The following TMIGD2 variants were observed in gnomAD, a reference collection of about 807,000 sequenced individuals.
The protein encoded by TMIGD2 is transmembrane and immunoglobulin domain-containing protein 2.
In TMIGD2, 18 loss-of-function variants were observed where a neutral mutation model predicts 22.6. The observed-to-expected ratio is 0.80, with a 90% confidence interval of 0.55 to 1.18. The LOEUF is 1.18. TMIGD2 is among the 50% of genes most tolerant of loss of function. TMIGD2 has a pLI of 0.00. For synonymous variants in TMIGD2, 184 were observed against 154.1 expected, an observed-to-expected ratio of 1.19 and a Z score of -1.44; for missense variants, 361 against 378.2, an observed-to-expected ratio of 0.95 and a Z score of 0.38.
chr19:4,294,073 T>A (rs1167881155), intron 4 of TMIGD2, among the ~76,000 whole-genome samples: 5 of 143,246 alleles, frequency 3.5e-5, no homozygotes, highest in Non-Finnish European at 3.1e-5. Flanking sequence ...AATTTTTAAA[T>A]TTTTTTTTTT....
chr19:4,299,861 G>A (rs1048484560), intron 1 of TMIGD2, among the ~76,000 whole-genome samples: 3 of 150,238 alleles, frequency 2.0e-5, no homozygotes, highest in African/African-American at 7.4e-5. Flanking sequence ...ACTCTAGCTT[G>A]GGCAACAGAG....
rs201445554 is a variant in TMIGD2, at chr19:4,298,071, G to A, written c.321C>T (p.Ser107=). 3.5e-5 allele frequency: 57 copies of A among 1,613,670 alleles called. No individual in the cohort carries two copies. The East Asian group carries it at 9.6e-4, about 27-fold the overall frequency. ...CGGCCGCCCAGCACACGTACGCCCCGCTGTGGTTGAGGCTCACAGGGTCCA... is the reference window on the plus strand; with the variant it reads ...CGGCCGCCCAGCACACGTACGCCCCACTGTGGTTGAGGCTCACAGGGTCCA... Residue 107 remains serine, a synonymous_variant, in exon 2 of 5, where the codon AGC becomes AGT. Coordinates refer to ENST00000301272, the Ensembl canonical transcript of TMIGD2.
At position 4,292,871 on chromosome 19, in the gene TMIGD2, T is replaced by C. The variant is rs758143245; in HGVS notation, c.577A>G (p.Ser193Gly). ...CCCCGGGGCCGGTATAGGACGTTGC[T>C]GTAGAATGCATTTCCTAGGATGGAT... Residue 193 changes from serine (S) to glycine (G), a missense_variant, in exon 5 of 5, where the codon AGC becomes GGC. Physicochemically the swap from Ser to Gly is moderately conservative, Grantham distance 56. Coordinates refer to ENST00000301272, the Ensembl canonical transcript of TMIGD2. 66 of 1,613,676 alleles carry C rather than the reference T, an allele frequency of 4.1e-5. 2 individuals are homozygous for C. In the South Asian group the frequency reaches 7.0e-4, roughly 17 times the overall value.
chr19:4,298,597 G>A lies in TMIGD2; in HGVS notation c.47-252C>T, dbSNP rs527331691. ...CAATAAATATTTAAAAAGTAGCTGG[G>A]TATGGTGGCGTGCACCGTGGGCCCA... On this transcript the variant is annotated intron_variant, in intron 1 of 4. Transcript: ENST00000301272. 3.1e-3 allele frequency among the ~76,000 whole-genome samples: 471 copies of A among 152,220 alleles called. 2 individuals carry two copies. Among genetic ancestry groups the A allele is most frequent in the African/African-American group, 0.011 (449 of 41,524 alleles).
intron 2 of TMIGD2, 43 bp downstream of exon 2, chr19:4,297,943 G>C: frequency 6.6e-7 from 1 of 1,507,354 alleles, no homozygotes; most frequent in Non-Finnish European, 8.9e-7. Flanking sequence ...AAGATTCTAG[G>C]ATCCTCCCCA....
intron 2 of TMIGD2, 130 bp from the exon 3 acceptor site, chr19:4,294,946 A>G: frequency 1.1e-6 from 1 of 909,698 alleles, no homozygotes; most frequent in Non-Finnish European, 1.6e-6. Flanking sequence ...GTTCACTCTG[A>G]ACCTCTGTTT....
chr19:4,296,420 G>A (rs145735568), intron 2 of TMIGD2, among the ~76,000 whole-genome samples: 8 of 152,302 alleles, frequency 5.3e-5, no homozygotes, highest in African/African-American at 1.2e-4. Context: ...TGTGAATGCC[G>A]CAATTAAGAT....
chr19:4,300,346 CAGG>C (rs1224325618), intron 1 of TMIGD2, among the ~76,000 whole-genome samples: 1 of 151,790 alleles, frequency 6.6e-6, no homozygotes, highest in African/African-American at 2.4e-5. Flanking sequence ...ATCACGAGGT[CAGG>C]AGATCAAGAC....
chr19:4,294,722 G>C (rs1971437557), intron 3 of TMIGD2, 42 bp from the exon 4 acceptor site: 9 of 1,571,560 alleles, frequency 5.7e-6, no homozygotes, highest in Non-Finnish European at 6.9e-6. Flanking sequence ...GGAGGGGAAG[G>C]GGTGGTGATG....
rs920368374 is a variant in TMIGD2, at chr19:4,295,220, C to T, written c.407-404G>A. On this transcript the variant is annotated intron_variant, in intron 2 of 4. Transcript: ENST00000301272. ...AGGTTGCAGTGAGCCGAGATCGTGT[C>T]ACTACGCTCCAGCCTGGGTGACAGA... is the stretch of plus-strand genomic sequence containing the variant. 4.2e-5 allele frequency among the ~76,000 whole-genome samples: 6 copies of T among 142,946 alleles called. No individual in the cohort carries two copies. The Admixed American group carries it at 4.4e-4, about 10-fold the overall frequency. 93.8% of individuals were successfully genotyped at this position (142,946 alleles called of 152,430 possible).
chr19:4,298,398 T>C (rs1971492858), intron 1 of TMIGD2, 53 bp from the exon 2 acceptor site: 1 of 1,501,676 alleles, frequency 6.7e-7, no homozygotes, highest in African/African-American at 1.4e-5. Flanking sequence ...CATGTGAGGC[T>C]GTGTGACTCA....
intron 2 of TMIGD2, among the ~76,000 whole-genome samples, chr19:4,295,059 G>T (rs1047606907): frequency 8.6e-5 from 13 of 151,814 alleles, no homozygotes; most frequent in African/African-American, 3.1e-4. Flanking sequence ...TCAGGAGTTC[G>T]AGACCAGCCT....
intron 2 of TMIGD2, among the ~76,000 whole-genome samples, chr19:4,295,432 C>T (rs1421653831): frequency 1.3e-5 from 2 of 151,226 alleles, no homozygotes; most frequent in East Asian, 2.0e-4. Flanking sequence ...TGGTGGTGGG[C>T]ACCTGTAGTC....
In TMIGD2 at chr19:4,297,978, TC is replaced by T; in HGVS notation, c.406+7del. ...ACTGCCCCTCCCTCTCCCCGCTGGC[TC>T]CCGTACCTGGGTCCACAAAGAGCCT... is the stretch of plus-strand genomic sequence containing the variant. On this transcript the variant is annotated splice_region_variant and intron_variant, in intron 2 of 4. Transcript: ENST00000301272. 1 of 1,560,402 alleles carries T rather than the reference TC, an allele frequency of 6.4e-7. No individual in the cohort carries two copies. The highest frequency in any genetic ancestry group is 8.7e-7 in the Non-Finnish European group (1 of 1,149,286).
chr19:4,301,834 C>G (rs1238088163), intron 1 of TMIGD2, among the ~76,000 whole-genome samples: 2 of 152,094 alleles, frequency 1.3e-5, no homozygotes, highest in Non-Finnish European at 2.9e-5. Flanking sequence ...GGAGCTGCTG[C>G]CGGAGTAGAA....
At chr19:4,293,561 A>T (rs945847100) in intron 4 of TMIGD2, among the ~76,000 whole-genome samples, 2 of 142,082 alleles carry the variant, frequency 1.4e-5, no homozygotes, top group South Asian at 2.2e-4. Flanking sequence ...CACCCGGCCA[A>T]TTTTTTTTTT....
exon 5 of TMIGD2, chr19:4,292,290 T>A (rs1971390367): frequency 2.8e-6 from 1 of 358,586 alleles, no homozygotes; most frequent in African/African-American, 2.2e-5. Flanking sequence ...GATCCATCAT[T>A]ACAGAAATGA....
intron 1 of TMIGD2, among the ~76,000 whole-genome samples, chr19:4,300,915 A>G (rs1460387890): frequency 1.3e-5 from 2 of 152,106 alleles, no homozygotes; most frequent in African/African-American, 4.8e-5. Context: ...GTTTTAATGT[A>G]AGTGTGATGG....
intron 2 of TMIGD2, among the ~76,000 whole-genome samples, chr19:4,296,693 T>G (rs2144735233): frequency 7.2e-6 from 1 of 138,444 alleles, no homozygotes; most frequent in Admixed American, 7.9e-5. Flanking sequence ...AACACACCCC[T>G]CCCTTGAGGC....
Sources: gnomAD v4.1 joint callset for allele counts (sites outside exome capture counted in the v4.1 genomes callset) on GRCh38, gnomAD v4.1.1 for gene constraint, MANE v1.5 for transcripts, NCBI Gene and HGNC (gene_info 2026-07-23, HGNC 2026-07-21) for gene names.